Variants in ERC2 observed in about 807,000 individuals in gnomAD.
The protein encoded by ERC2 is ELKS/RAB6-interacting/CAST family member 2.
A neutral mutation model predicts 114.8 loss-of-function variants in ERC2; 42 were observed. The ratio of observed to expected loss-of-function variants is 0.37; its 90% confidence interval spans 0.29 to 0.47. The LOEUF is 0.47. ERC2 is among the 20% of genes least tolerant of loss of function. The pLI is 0.99. For synonymous variants in ERC2, 454 were observed against 425.5 expected, an observed-to-expected ratio of 1.07 and a Z score of -0.82; for missense variants, 939 against 1,150.7, an observed-to-expected ratio of 0.82 and a Z score of 2.66.
intron 7 of ERC2, among the ~76,000 whole-genome samples, chr3:56,047,409 G>T (rs1433766982): frequency 6.6e-6 from 1 of 152,208 alleles, no homozygotes; most frequent in Non-Finnish European, 1.5e-5. Context: ...CCCTGCAAAA[G>T]CATATTAAAA....
chr3:55,914,279 T>G (rs540966411), intron 13 of ERC2, among the ~76,000 whole-genome samples: 2 of 152,244 alleles, frequency 1.3e-5, no homozygotes, highest in South Asian at 4.2e-4. Flanking sequence ...CCAAACCCTT[T>G]CTGTTCTTAG....
chr3:56,226,425 T>C (rs1357697693), intron 3 of ERC2, among the ~76,000 whole-genome samples: 1 of 152,134 alleles, frequency 6.6e-6, no homozygotes, highest in Non-Finnish European at 1.5e-5. Context: ...AAAGTGGTTA[T>C]TAAAAGACAG....
chr3:56,290,082 A>T (rs1208804503), intron 3 of ERC2, among the ~76,000 whole-genome samples: 2 of 152,214 alleles, frequency 1.3e-5, no homozygotes, highest in African/African-American at 4.8e-5. Flanking sequence ...CATCCTCCAT[A>T]GGGATGCTCA....
At chr3:55,538,436 T>C (rs968864715) in intron 17 of ERC2, among the ~76,000 whole-genome samples, 2 of 152,184 alleles carry the variant, frequency 1.3e-5, no homozygotes, top group African/African-American at 4.8e-5. Flanking sequence ...CAGCCTCAAC[T>C]CGGATGCCGA....
At chr3:55,524,092 A>C (rs1195075217) in intron 17 of ERC2, among the ~76,000 whole-genome samples, 2 of 152,240 alleles carry the variant, frequency 1.3e-5, no homozygotes, top group African/African-American at 4.8e-5. Flanking sequence ...AACATAAAAC[A>C]AAATGAACTC....
intron 17 of ERC2, among the ~76,000 whole-genome samples, chr3:55,530,998 G>A (rs1354451337): frequency 1.3e-5 from 2 of 152,166 alleles, no homozygotes; most frequent in African/African-American, 4.8e-5. Context: ...AGTCTGCTCA[G>A]GGAACCTCAT....
chr3:56,280,769 G>A (rs112864390), intron 3 of ERC2, among the ~76,000 whole-genome samples: 4 of 152,176 alleles, frequency 2.6e-5, no homozygotes, highest in Admixed American at 6.5e-5. Flanking sequence ...TATGCTATGA[G>A]GAGTGACTAT....
chr3:55,578,113 T>C (rs1401379732), intron 17 of ERC2, among the ~76,000 whole-genome samples: 1 of 152,218 alleles, frequency 6.6e-6, no homozygotes, highest in Non-Finnish European at 1.5e-5. Flanking sequence ...CATCCTCATC[T>C]GAGTTCCCAG....
At chr3:55,949,809 A>G (rs1303361018) in intron 13 of ERC2, among the ~76,000 whole-genome samples, 3 of 152,212 alleles carry the variant, frequency 2.0e-5, no homozygotes, top group Non-Finnish European at 2.9e-5. Context: ...TTTAGCTTGA[A>G]TGTTTTATTG....
intron 3 of ERC2, among the ~76,000 whole-genome samples, chr3:56,269,539 T>C (rs1223433903): frequency 6.6e-6 from 1 of 151,996 alleles, no homozygotes; most frequent in Non-Finnish European, 1.5e-5. Context: ...ACAAATATTG[T>C]CAAAAGTGAG....
chr3:56,464,265 G>C (rs2063440991), intron 1 of ERC2, among the ~76,000 whole-genome samples: 1 of 152,218 alleles, frequency 6.6e-6, no homozygotes, highest in South Asian at 2.1e-4. Flanking sequence ...TCCAAAACAG[G>C]TTATTAGTGA....
At chr3:55,791,529 G>T (rs896142132) in intron 14 of ERC2, among the ~76,000 whole-genome samples, 2 of 152,096 alleles carry the variant, frequency 1.3e-5, no homozygotes, top group African/African-American at 4.8e-5. Context: ...ACACATGTAT[G>T]CTGAGAAATG....
chr3:56,292,837 G>A (rs1359592297), intron 3 of ERC2, among the ~76,000 whole-genome samples: 1 of 152,066 alleles, frequency 6.6e-6, no homozygotes, highest in Non-Finnish European at 1.5e-5. Flanking sequence ...TTTTGGTTAT[G>A]CAGGTCTCAG....
At chr3:56,235,417 G>A (rs2050878151) in intron 3 of ERC2, among the ~76,000 whole-genome samples, 1 of 152,162 alleles carries the variant, frequency 6.6e-6, no homozygotes, top group South Asian at 2.1e-4. Context: ...GAATACACAT[G>A]GGCAAGGCAA....
chr3:55,563,683 A>G lies in ERC2; in HGVS notation c.*40-52407T>C, dbSNP rs1015641332. Among the ~76,000 whole-genome samples the G allele has an allele frequency of 2.0e-5, 3 of 152,236 alleles. No homozygotes were observed. The South Asian group carries it at 6.2e-4, about 32-fold the overall frequency. On this transcript the variant is annotated intron_variant, in intron 17 of 17. Coordinates refer to ENST00000288221, the MANE Select transcript of ERC2 (RefSeq NM_015576.3). Reference sequence around the variant, plus strand: ...ATCTTTCCCCCAGCCATCTAAAGGGAGCTTCCTGTAGAAGGGAATGAGTCC... The same window carrying G: ...ATCTTTCCCCCAGCCATCTAAAGGGGGCTTCCTGTAGAAGGGAATGAGTCC...
At chr3:55,751,102 A>C (rs760905044) in intron 14 of ERC2, among the ~76,000 whole-genome samples, 24 of 152,212 alleles carry the variant, frequency 1.6e-4, no homozygotes, top group Non-Finnish European at 2.9e-4. Context: ...GCATGTTACT[A>C]TCAGGGTATG....
At chr3:55,553,008 C>T (rs2055325760) in intron 17 of ERC2, among the ~76,000 whole-genome samples, 1 of 87,810 alleles carries the variant, frequency 1.1e-5, no homozygotes, top group Non-Finnish European at 2.3e-5. Context: ...GTGGGGCTTC[C>T]AGATTTTTTT....
intron 14 of ERC2, among the ~76,000 whole-genome samples, chr3:55,822,070 T>C (rs988923724): frequency 1.3e-5 from 2 of 152,234 alleles, no homozygotes; most frequent in Non-Finnish European, 2.9e-5. Context: ...AAAGGATATT[T>C]TCACTGTAAA....
chr3:55,940,835 C>A (rs957379296), intron 13 of ERC2, among the ~76,000 whole-genome samples: 1 of 152,126 alleles, frequency 6.6e-6, no homozygotes, highest in African/African-American at 2.4e-5. Flanking sequence ...TGCAAAACCC[C>A]GTTACCCAAG....
Sources: gnomAD v4.1 joint callset for allele counts (sites outside exome capture counted in the v4.1 genomes callset) on GRCh38, gnomAD v4.1.1 for gene constraint, MANE v1.5 for transcripts, NCBI Gene and HGNC (gene_info 2026-07-23, HGNC 2026-07-21) for gene names.